The following LARP1B variants were observed in gnomAD, a reference collection of about 807,000 sequenced individuals.
LARP1B encodes the protein La ribonucleoprotein 1B.
In LARP1B, 76 loss-of-function variants were observed where a neutral mutation model predicts 114.2. That is an observed-to-expected ratio of 0.67 (90% CI 0.55 to 0.81). The LOEUF (loss-of-function observed/expected upper bound fraction) is 0.81. LARP1B is among the 30% of genes least tolerant of loss of function. The pLI is 0.00. For missense variants in LARP1B, 1,014 were observed against 1,075.8 expected, an observed-to-expected ratio of 0.94 and a Z score of 0.80; for synonymous variants, 345 against 348.0, an observed-to-expected ratio of 0.99 and a Z score of 0.10.
At chr4:128,220,355 G>A in exon 7 of LARP1B, 1 of 956,472 alleles carries the variant, frequency 1.0e-6, no homozygotes, top group Non-Finnish European at 1.2e-6. Context: ...TCTTGCATAG[G>A]AGGCTGATCC....
chr4:128,095,318 G>T (rs887099367), intron 7 of LARP1B, among the ~76,000 whole-genome samples: 1 of 151,404 alleles, frequency 6.6e-6, no homozygotes, highest in Admixed American at 6.6e-5. Context: ...GTGAAACCCC[G>T]TCTCTACTAA....
chr4:128,076,019 A>T (rs1369803326), intron 3 of LARP1B, among the ~76,000 whole-genome samples: 3 of 151,578 alleles, frequency 2.0e-5, no homozygotes, highest in African/African-American at 7.3e-5. Context: ...TCATCTGGTT[A>T]TATTCTTTTT....
chr4:128,128,764 C>CA (rs1175657324), intron 11 of LARP1B, among the ~76,000 whole-genome samples: 2 of 151,686 alleles, frequency 1.3e-5, no homozygotes, highest in Non-Finnish European at 1.5e-5. Flanking sequence ...GCTGTTTGTA[C>CA]AAAAAAACAC....
chr4:128,081,959 C>T (rs553078097), intron 4 of LARP1B, among the ~76,000 whole-genome samples: 1 of 152,322 alleles, frequency 6.6e-6, no homozygotes, highest in South Asian at 2.1e-4. Flanking sequence ...TGGTCTTGAA[C>T]TCCTGGCCTC....
At chr4:128,213,479 C>G (rs558354837), downstream of LARP1B, among the ~76,000 whole-genome samples, 2 of 152,200 alleles carry the variant, frequency 1.3e-5, no homozygotes, top group African/African-American at 4.8e-5. Context: ...GTATGCTTGA[C>G]ATGGTATGTA....
intron 11 of LARP1B, among the ~76,000 whole-genome samples, chr4:128,155,007 C>T (rs1734802128): frequency 6.6e-6 from 1 of 152,178 alleles, no homozygotes; most frequent in African/African-American, 2.4e-5. Context: ...CTCTTGACAT[C>T]AGGTGATCCA....
At chr4:128,151,576 C>T (rs539938894) in intron 11 of LARP1B, among the ~76,000 whole-genome samples, 82 of 151,416 alleles carry the variant, frequency 5.4e-4, no homozygotes, top group Non-Finnish European at 9.0e-4. Context: ...TGGATTTGCC[C>T]GATATCTTTA....
Position 128,156,301 on chromosome 4 carries a change from A to G in LARP1B, c.1525-5893A>G, listed in dbSNP as rs887370623. 28 of 735,206 alleles carry G rather than the reference A, an allele frequency of 3.8e-5. No individual in the cohort carries two copies. The African/African-American group carries it at 4.6e-4, about 12-fold the overall frequency. The allele number at this position is 735,206 out of a possible 1,614,324, so 45.5% of individuals were successfully genotyped here. On this transcript the variant is annotated intron_variant, in intron 11 of 19. Transcript: ENST00000326639. Reference sequence around the variant, plus strand: ...TGGCCTGGACAGTATCCCATACCCAACTCCAGCAGCTGCTTCTCCATCCCT... The same window carrying G: ...TGGCCTGGACAGTATCCCATACCCAGCTCCAGCAGCTGCTTCTCCATCCCT...
At chr4:128,155,652 G>C in intron 11 of LARP1B, 1 of 1,533,918 alleles carries the variant, frequency 6.5e-7, no homozygotes, top group Admixed American at 1.7e-5. Context: ...CCCTGGGGCC[G>C]CCTCCAGTGG....
chr4:128,130,588 C>T (rs1213917229), intron 11 of LARP1B, among the ~76,000 whole-genome samples: 1 of 152,150 alleles, frequency 6.6e-6, no homozygotes, highest in Non-Finnish European at 1.5e-5. Context: ...TTCCTGGTGG[C>T]AATGCAAAAC....
At chr4:128,198,025 C>G (rs1479533054) in intron 15 of LARP1B, among the ~76,000 whole-genome samples, 1 of 151,426 alleles carries the variant, frequency 6.6e-6, no homozygotes, top group Non-Finnish European at 1.5e-5. Context: ...GCTGGGATTA[C>G]AGGTACATGC....
At chr4:128,086,009 C>CTTTTTTTTTTTTTTTTTT (rs143345158) in intron 5 of LARP1B, among the ~76,000 whole-genome samples, 1 of 91,272 alleles carries the variant, frequency 1.1e-5, no homozygotes, top group Non-Finnish European at 2.1e-5. Context: ...TCATGGTATT[C>CTTTTTTTTTTTTTTTTTT]TTTTTTTTTT....
chr4:128,176,987 T>C (rs1746520668), intron 13 of LARP1B, 80 bp downstream of exon 13: 2 of 1,225,346 alleles, frequency 1.6e-6, no homozygotes, highest in Admixed American at 3.4e-5. Context: ...AAAGGGACTT[T>C]CAGACAGAAG....
intron 16 of LARP1B, among the ~76,000 whole-genome samples, chr4:128,199,996 G>C (rs2150886550): frequency 6.6e-6 from 1 of 152,272 alleles, no homozygotes; most frequent in African/African-American, 2.4e-5. Flanking sequence ...TGAGGCAGGA[G>C]AATTGCTGGG....
At position 128,100,621 on chromosome 4, in the gene LARP1B, T is replaced by A. The variant is rs555656064; in HGVS notation, c.813+2291T>A. On this transcript the variant is annotated intron_variant, in intron 8 of 19. Coordinates refer to ENST00000326639, the MANE Select transcript of LARP1B (RefSeq NM_018078.4). ...CACTAATGATTAAAGTTGTTAGCAG[T>A]TTTTCATGTGCTTTTTTGTCTGCAT... 2.0e-5 allele frequency among the ~76,000 whole-genome samples: 3 copies of A among 152,166 alleles called. No individual in the cohort carries two copies. The South Asian group carries it at 6.2e-4, about 32-fold the overall frequency.
intron 15 of LARP1B, among the ~76,000 whole-genome samples, chr4:128,190,830 T>A (rs1252703638): frequency 1.3e-5 from 2 of 152,252 alleles, no homozygotes; most frequent in African/African-American, 4.8e-5. Context: ...TTTCTGACCT[T>A]CTGTACCTAG....
intron 11 of LARP1B, among the ~76,000 whole-genome samples, chr4:128,137,787 A>G (rs983454967): frequency 1.2e-5 from 1 of 85,028 alleles, no homozygotes; most frequent in Non-Finnish European, 2.5e-5. Flanking sequence ...ATATATATAT[A>G]TATATTTTTT....
intron 9 of LARP1B, among the ~76,000 whole-genome samples, chr4:128,114,200 A>G (rs1785052239): frequency 1.3e-5 from 2 of 152,200 alleles, no homozygotes; most frequent in African/African-American, 4.8e-5. Context: ...ACTATGGCTT[A>G]ATAGCAACTG....
chr4:128,077,782 T>G lies in LARP1B; in HGVS notation c.43-6T>G, dbSNP rs757265501. 3.4e-5 allele frequency: 52 copies of G among 1,535,134 alleles called. No homozygotes were observed. The highest frequency in any genetic ancestry group is 4.4e-5 in the Non-Finnish European group (50 of 1,146,034). On this transcript the variant is annotated splice_polypyrimidine_tract_variant and splice_region_variant and intron_variant, in intron 3 of 19. Transcript: ENST00000326639. ...AAATCATTTCATTCTGAAAACCTTT[T>G]TGCAGTTTCAGAGCGTCCTCAGCCA...
Sources: allele counts gnomAD v4.1 joint callset (sites outside exome capture counted in the v4.1 genomes callset), GRCh38; gene constraint gnomAD v4.1.1; transcripts MANE v1.5; gene names NCBI Gene and HGNC (gene_info 2026-07-23, HGNC 2026-07-21).